WDR13: variants seen among roughly 807,000 people sequenced by gnomAD.
The protein encoded by WDR13 is WD repeat-containing protein 13.
In WDR13, 1 loss-of-function variant was observed where a neutral mutation model predicts 28.6. That is an observed-to-expected ratio of 0.03 (90% confidence interval 0.01 to 0.17). The LOEUF is 0.17. Ranked by LOEUF, WDR13 falls within the 10% of genes least tolerant of loss-of-function variation. The probability of loss-of-function intolerance (pLI) is 1.00; values close to 1 mark genes in which losing one functional copy is unlikely to be tolerated. For synonymous variants in WDR13, 201 were observed against 185.9 expected (o/e 1.08, Z -0.66); for missense variants, 264 against 469.3 (o/e 0.56, Z 4.04).
chrX:48,599,490 G>A, intron 4 of WDR13, 28 bp downstream of exon 4: 11 of 1,205,081 alleles, frequency 9.1e-6, no homozygotes, highest in Non-Finnish European at 1.2e-5. Flanking sequence ...CCAAGGCGGG[G>A]GGCGGGTTGC....
At position 48,605,169 on chromosome X, in the gene WDR13, A is replaced by T. The variant is rs1210577184; in HGVS notation, c.*137A>T. 8.2e-5 allele frequency: 62 copies of T among 752,685 alleles called. No homozygotes were observed. The East Asian group carries it at 2.2e-3, about 26-fold the overall frequency. The allele number at this position is 752,685 out of a possible 1,213,427, so 62.0% of individuals were successfully genotyped here. ...ACGGACAGGGCAGAGGGCAGCGGGCAGCTCCAGGAACACGGTGGAACGGGG... is the reference window on the plus strand; with the variant it reads ...ACGGACAGGGCAGAGGGCAGCGGGCTGCTCCAGGAACACGGTGGAACGGGG... On this transcript the variant is annotated 3_prime_UTR_variant, in exon 10 of 10. Coordinates refer to ENST00000376729, the MANE Select transcript of WDR13 (RefSeq NM_001347217.2).
Position 48,599,652 on chromosome X carries a change from C to T in WDR13, c.458C>T (p.Ser153Leu). 2 of 1,212,711 alleles carry T rather than the reference C, an allele frequency of 1.6e-6. No homozygotes were observed. Among genetic ancestry groups the T allele is most frequent in the African/African-American group, 1.7e-5 (1 of 58,086 alleles). The change falls in exon 5 of 10, where the codon TCA becomes TTA. Residue 153 changes from serine (S) to leucine (L), a missense_variant. Ser to Leu is a moderately radical substitution (Grantham distance 145). Transcript: ENST00000376729. ...AGTCGGGCCATGGCCGGGGACACGT[C>T]ACTGAGCGAGAACTATGCCTTTGCG... ...EASRAMAGDT[S>L]LSENYAFAGM...
At chrX:48,600,877 C>G (rs888243388) in intron 6 of WDR13, 11 of 385,177 alleles carry the variant, frequency 2.9e-5, no homozygotes, top group Non-Finnish European at 5.0e-5. Context: ...GGGCGGATCA[C>G]GAGGTCAGGA....
chrX:48,600,223 G>A, intron 5 of WDR13, 96 bp from the exon 6 acceptor site: 5 of 1,024,183 alleles, frequency 4.9e-6, no homozygotes, highest in Non-Finnish European at 6.5e-6. Flanking sequence ...CTCATGCAGT[G>A]GGGCCCCAGC....
At chrX:48,597,658 A>C in intron 1 of WDR13, 44 bp downstream of exon 1, 1 of 236,225 alleles carries the variant, frequency 4.2e-6, no homozygotes, top group Non-Finnish European at 7.6e-6. Context: ...TGAGAAGGGA[A>C]GGCGGAGGGC....
In WDR13 at chrX:48,605,538, A is replaced by C. The variant is rs2062216755; in HGVS notation, c.*506A>C. On this transcript the variant is annotated 3_prime_UTR_variant, in exon 10 of 10. Transcript: ENST00000376729. Reference sequence around the variant, plus strand: ...TTGGGGGAGTGGGCTCTTTATGGTGACAGCATCAGGGAAGATGATCCTGAC... The same window carrying C: ...TTGGGGGAGTGGGCTCTTTATGGTGCCAGCATCAGGGAAGATGATCCTGAC... 1 of 114,328 alleles carries C rather than the reference A, an allele frequency of 8.7e-6. No individual in the cohort carries two copies. The highest frequency in any genetic ancestry group is 1.8e-5 in the Non-Finnish European group (1 of 54,795). The allele number at this position is 114,328 out of a possible 1,213,427, so 9.4% of individuals were successfully genotyped here.
In WDR13 at chrX:48,600,440, C is replaced by A. The variant is rs782504132; in HGVS notation, c.645C>A (p.Gly215=). The A allele has an allele frequency of 8.2e-7, 1 of 1,212,386 alleles. No homozygotes were observed. The highest frequency in any genetic ancestry group is 1.8e-5 in the South Asian group (1 of 57,065). ...CCACAGTGCTTCGCGTGCTACGGGG[C>A]CACACCCGTGGTGTCTCCGACTTCG... is the stretch of plus-strand genomic sequence containing the variant. ...APPTVLRVLR[G]HTRGVSDFAW... is the part of the protein sequence containing the mutation. Residue 215 remains glycine, a synonymous_variant, in exon 6 of 10, where the codon GGC becomes GGA. Transcript: ENST00000376729.
intron 6 of WDR13, 69 bp downstream of exon 6, chrX:48,600,695 A>G: frequency 8.8e-7 from 1 of 1,136,313 alleles, no homozygotes; most frequent in Non-Finnish European, 1.2e-6. Context: ...TGAGGGAATC[A>G]GAGTATAAGG....
rs782301553 is a variant in WDR13 at position 48,598,820 on chromosome X, G to A, written c.145G>A (p.Ala49Thr). ...GAATGCCAAGGCTGGGCACCCCCCA[G>A]CGCTGCGTCGGCAGTACCTGAGGCT... ...RENAKAGHPP[A>T]LRRQYLRLRG... Residue 49 changes from alanine (A) to threonine (T), a missense_variant, in exon 3 of 10, where the codon GCG becomes ACG. Ala to Thr is a moderately conservative substitution (Grantham distance 58, BLOSUM62 0). This residue lies in a region of WDR13 where 74 missense variants were observed against 89.3 expected (regional missense o/e 0.83). Coordinates refer to ENST00000376729, the MANE Select transcript of WDR13 (RefSeq NM_001347217.2). 1 of 1,205,623 alleles carries A rather than the reference G, an allele frequency of 8.3e-7. No homozygotes were observed. The highest frequency in any genetic ancestry group is 3.0e-5 in the East Asian group (1 of 33,567).
rs1372659296 is a variant in WDR13 at position 48,604,400 on chromosome X, G to A, written c.1273+10G>A. On this transcript the variant is annotated intron_variant, in intron 9 of 9. Transcript: ENST00000376729. ...CAGGGGGCCTGCGTGGGTGAGTCCT[G>A]TAGGGACAGGGGATCTGGGTGGCTG... 6 of 1,198,679 alleles carry A rather than the reference G, an allele frequency of 5.0e-6. No individual in the cohort carries two copies. The highest frequency in any genetic ancestry group is 5.6e-6 in the Non-Finnish European group (5 of 886,372).
At chrX:48,603,674 G>A (rs1556995261) in intron 8 of WDR13, among the ~76,000 whole-genome samples, 3 of 110,231 alleles carry the variant, frequency 2.7e-5, no homozygotes, top group African/African-American at 9.9e-5. Flanking sequence ...AAAAGAAATG[G>A]CCTTTCCTAC....
Position 48,608,847 on chromosome X carries a change from T to TA in WDR13, c.*3820dup, listed in dbSNP as rs1266721025. ...GGGGGAATAAATAATGAAGAAAGAATAAAAATAGTGTTATCAGTCACATTT... is the reference window on the plus strand; with the variant it reads ...GGGGGAATAAATAATGAAGAAAGAATAAAAAATAGTGTTATCAGTCACATTT... On this transcript the variant is annotated 3_prime_UTR_variant, in exon 10 of 10. Coordinates refer to ENST00000376729, the MANE Select transcript of WDR13 (RefSeq NM_001347217.2). 3 of 111,710 alleles carry TA rather than the reference T, an allele frequency of 2.7e-5. No homozygotes were observed. The Admixed American group carries it at 2.9e-4, about 11-fold the overall frequency. 9.2% of individuals were successfully genotyped at this position (111,710 alleles called of 1,213,427 possible). A position where few individuals can be genotyped will look rare whatever the true frequency, so the allele number is the denominator to read the frequency against.
In WDR13 at chrX:48,606,565, G is replaced by C. The variant is rs2062222092; in HGVS notation, c.*1533G>C. The C allele has an allele frequency of 9.0e-6, 1 of 111,444 alleles. No individual in the cohort carries two copies. Among genetic ancestry groups the C allele is most frequent in the Non-Finnish European group, 1.9e-5 (1 of 53,050 alleles). The allele number at this position is 111,444 out of a possible 1,213,427, so 9.2% of individuals were successfully genotyped here. A position where few individuals can be genotyped will look rare whatever the true frequency, so the allele number is the denominator to read the frequency against. On this transcript the variant is annotated 3_prime_UTR_variant, in exon 10 of 10. Transcript: ENST00000376729. ...CCTGGAACAGCTCAGAGACCAAAAAGTGATGTTAAGTATTTGAGGGGAGCC... is the reference window on the plus strand; with the variant it reads ...CCTGGAACAGCTCAGAGACCAAAAACTGATGTTAAGTATTTGAGGGGAGCC...
Position 48,605,032 on chromosome X carries a change from G to A in WDR13, c.1458G>A (p.Ter486=), listed in dbSNP as rs1478659292. 5.0e-6 allele frequency: 6 copies of A among 1,196,666 alleles called. No individual in the cohort carries two copies. The African/African-American group carries it at 1.1e-4, about 21-fold the overall frequency. The change falls in exon 10 of 10, where the codon TAG becomes TAA. Residue 486 remains the stop codon, a stop_retained_variant. Coordinates refer to ENST00000376729, the MANE Select transcript of WDR13 (RefSeq NM_001347217.2). ...MVIVWRREQK[*] Reference sequence around the variant, plus strand: ...TCGTCTGGAGGCGGGAGCAGAAGTAGGGTCCTGTCGGCCCTGCTGCTGTCC... The same window carrying A: ...TCGTCTGGAGGCGGGAGCAGAAGTAAGGTCCTGTCGGCCCTGCTGCTGTCC...
rs2062164044 is a variant in WDR13 at position 48,599,041 on chromosome X, T to C, written c.282+84T>C. 3.6e-6 allele frequency: 4 copies of C among 1,116,016 alleles called. No individual in the cohort carries two copies. In the East Asian group the frequency reaches 1.2e-4, roughly 34 times the overall value. 92.0% of individuals were successfully genotyped at this position (1,116,016 alleles called of 1,213,427 possible). On this transcript the variant is annotated intron_variant, in intron 3 of 9. Coordinates refer to ENST00000376729, the MANE Select transcript of WDR13 (RefSeq NM_001347217.2). ...TGACTTTCATCAAGCACCTGCTCTT[T>C]GCTGGGCACTGTTCTGCATCAGCAG...
rs1004794522 is a variant in WDR13 at position 48,598,108 on chromosome X, C to G, written c.41+71C>G. 115 of 1,154,800 alleles carry G rather than the reference C, an allele frequency of 1.0e-4. 1 individual carries two copies. Among genetic ancestry groups the G allele is most frequent in the Non-Finnish European group, 1.3e-4 (109 of 868,368 alleles). On this transcript the variant is annotated intron_variant, in intron 2 of 9. Transcript: ENST00000376729. ...GCATGCGCAATGGCGATAAGTGAGG[C>G]TGGGCGGAGAACTTGCCTTATGCGG...
At position 48,608,011 on chromosome X, in the gene WDR13, C is replaced by T. The variant is rs1346635461; in HGVS notation, c.*2979C>T. On this transcript the variant is annotated 3_prime_UTR_variant, in exon 10 of 10. Coordinates refer to ENST00000376729, the MANE Select transcript of WDR13 (RefSeq NM_001347217.2). ...GGTCTCCATCTCTTGACCTTGTGAT[C>T]CGCCTGCCTCGACCTCCCAAAGTGC... The T allele has an allele frequency of 3.9e-4, 43 of 110,647 alleles. No homozygotes were observed. The highest frequency in any genetic ancestry group is 1.4e-3 in the African/African-American group (43 of 30,479). The allele number at this position is 110,647 out of a possible 1,213,427, so 9.1% of individuals were successfully genotyped here.
rs1330490814 is a variant in WDR13, at chrX:48,598,289, G to A, written c.41+252G>A. 1.3e-5 allele frequency: 14 copies of A among 1,067,658 alleles called. No homozygotes were observed. In the African/African-American group the frequency reaches 2.5e-4, roughly 19 times the overall value. 88.0% of individuals were successfully genotyped at this position (1,067,658 alleles called of 1,213,427 possible). A position where few individuals can be genotyped will look rare whatever the true frequency, so the allele number is the denominator to read the frequency against. On this transcript the variant is annotated intron_variant, in intron 2 of 9. Coordinates refer to ENST00000376729, the MANE Select transcript of WDR13 (RefSeq NM_001347217.2). ...CGGCTACCTGTGAGAGGGAGGTGGG[G>A]CTCAGGCAGGTGACATCCTATCCCC...
rs235842 is a variant in WDR13 at position 48,601,926 on chromosome X, G to A, written c.974G>A (p.Arg325His). Residue 325 changes from arginine to histidine, a missense_variant, in exon 7 of 10, where the codon CGT becomes CAT. This residue lies in a region of WDR13 where 157 missense variants were observed against 270.2 expected (regional missense o/e 0.58). Transcript: ENST00000376729. Reference protein sequence around the residue: ...PGRLLWAGDDRGSVFSFLFDM... With the variant: ...PGRLLWAGDDHGSVFSFLFDM... ...CGGCTGCTCTGGGCGGGTGATGACC[G>A]TGGCAGTGTCTTCTCTTTCCTCTTT... The A allele has an allele frequency of 4.6e-5, 55 of 1,195,797 alleles. No homozygotes were observed. In the African/African-American group the frequency reaches 9.1e-4, roughly 20 times the overall value.
Sources: gnomAD v4.1 joint callset for allele counts (sites outside exome capture counted in the v4.1 genomes callset) on GRCh38, gnomAD v4.1.1 for gene constraint, gnomAD v4.1.1 regional missense constraint, MANE v1.5 for transcripts, NCBI Gene and HGNC (gene_info 2026-07-23, HGNC 2026-07-21) for gene names.